Variants in CXCL13 observed in about 807,000 individuals in gnomAD.
The protein encoded by CXCL13 is C-X-C motif chemokine 13.
A neutral mutation model predicts 12.2 loss-of-function variants in CXCL13; 7 were observed. That is an observed-to-expected ratio of 0.57 (90% CI 0.33 to 1.07). The LOEUF (loss-of-function observed/expected upper bound fraction) is 1.07. Among genes scored for constraint, CXCL13 ranks in the 50% least tolerant of loss-of-function variants. CXCL13 has a pLI of 0.04. For synonymous variants in CXCL13, 47 were observed against 42.4 expected (o/e 1.11, Z -0.42); for missense variants, 113 against 127.4 (o/e 0.89, Z 0.55).
At chr4:77,538,855 A>T (rs1277082990) in intron 1 of CXCL13, among the ~76,000 whole-genome samples, 1 of 152,204 alleles carries the variant, frequency 6.6e-6, no homozygotes, top group Non-Finnish European at 1.5e-5. Context: ...TGTTATCGGC[A>T]GCCAATCCAT....
At chr4:77,513,334 C>A (rs1724318683) in intron 1 of CXCL13, among the ~76,000 whole-genome samples, 1 of 152,120 alleles carries the variant, frequency 6.6e-6, no homozygotes. Flanking sequence ...ATTTCTAGTT[C>A]TAGATTCTTG....
In CXCL13 at chr4:77,564,337, A is replaced by G. The variant is rs1041293347; in HGVS notation, c.-42-41487A>G. ...GTTCTGTACTACTTCTGAAATGTACATATGCAGAGGAGCAGGCACAGATGG... is the reference window on the plus strand; with the variant it reads ...GTTCTGTACTACTTCTGAAATGTACGTATGCAGAGGAGCAGGCACAGATGG... On this transcript the variant is annotated intron_variant, in intron 1 of 4. Transcript: ENST00000286758. Among the ~76,000 whole-genome samples, 4 of 152,346 alleles carry G rather than the reference A, an allele frequency of 2.6e-5. No individual in the cohort carries two copies. The South Asian group carries it at 6.2e-4, about 24-fold the overall frequency.
At chr4:77,607,005 A>G (rs1222617758) in intron 1 of CXCL13, among the ~76,000 whole-genome samples, 2 of 152,172 alleles carry the variant, frequency 1.3e-5, no homozygotes, top group African/African-American at 4.8e-5. Flanking sequence ...TTCTGTAATG[A>G]TTTGCAACCC....
Position 77,611,092 on chromosome 4 carries a change from A to G in CXCL13, c.*53A>G. On this transcript the variant is annotated 3_prime_UTR_variant, in exon 4 of 4. Transcript: ENST00000682537. ...CATTCTTCCCTTATCCCTGCTCTGG[A>G]TTTTAGTTTTGTGCTTAGTTAAATC... The G allele has an allele frequency of 2.1e-6, 3 of 1,456,106 alleles. 1 individual carries two copies. The Middle Eastern group carries it at 5.3e-4, about 256-fold the overall frequency. 90.2% of individuals were successfully genotyped at this position (1,456,106 alleles called of 1,614,324 possible).
intron 1 of CXCL13, among the ~76,000 whole-genome samples, chr4:77,598,648 A>C (rs1344722253): frequency 4.6e-5 from 7 of 152,234 alleles, no homozygotes; most frequent in Non-Finnish European, 1.0e-4. Flanking sequence ...CCAGAAAGGG[A>C]GAGGCAATAT....
rs547781570 is a variant in CXCL13 at position 77,544,009 on chromosome 4, G to C, written c.-43+32221G>C. Among the ~76,000 whole-genome samples the C allele has an allele frequency of 7.2e-5, 11 of 152,136 alleles. No individual in the cohort carries two copies. The South Asian group carries it at 1.7e-3, about 23-fold the overall frequency. On this transcript the variant is annotated intron_variant, in intron 1 of 4. Transcript: ENST00000286758. ...GAGAACATATGGTGTTTGGTTTTCT[G>C]TCCTTGCGATATTTTGCGAGAATGA...
At chr4:77,555,098 A>T (rs1024452213) in intron 1 of CXCL13, among the ~76,000 whole-genome samples, 9 of 152,086 alleles carry the variant, frequency 5.9e-5, no homozygotes, top group African/African-American at 2.2e-4. Flanking sequence ...AAATAAATGA[A>T]ATTTGAAAAT....
intron 1 of CXCL13, among the ~76,000 whole-genome samples, chr4:77,526,025 T>G (rs991486732): frequency 1.3e-5 from 2 of 151,910 alleles, no homozygotes; most frequent in African/African-American, 4.8e-5. Flanking sequence ...GAAAAAGCAT[T>G]TAAAAAAACT....
chr4:77,524,913 T>C (rs2110081758), intron 1 of CXCL13, among the ~76,000 whole-genome samples: 1 of 152,350 alleles, frequency 6.6e-6, no homozygotes, highest in South Asian at 2.1e-4. Flanking sequence ...ATATTTTTAC[T>C]TTACAAAATT....
At chr4:77,565,283 C>T (rs147472442) in intron 1 of CXCL13, among the ~76,000 whole-genome samples, 8 of 152,290 alleles carry the variant, frequency 5.3e-5, no homozygotes, top group East Asian at 1.9e-4. Context: ...TGGGAGAAGA[C>T]GAATAAGCTG....
chr4:77,545,804 G>A (rs1032614747), intron 1 of CXCL13, among the ~76,000 whole-genome samples: 1 of 152,198 alleles, frequency 6.6e-6, no homozygotes, highest in African/African-American at 2.4e-5. Context: ...AGTGGTGAGA[G>A]AGGGCATCCC....
intron 1 of CXCL13, among the ~76,000 whole-genome samples, chr4:77,521,735 T>C (rs1724606585): frequency 6.6e-6 from 1 of 152,212 alleles, no homozygotes; most frequent in African/African-American, 2.4e-5. Flanking sequence ...ATCTTAGTTA[T>C]TTCTTGCCTT....
chr4:77,547,686 C>T (rs886501371), intron 1 of CXCL13, among the ~76,000 whole-genome samples: 2 of 152,086 alleles, frequency 1.3e-5, no homozygotes, highest in African/African-American at 2.4e-5. Context: ...ACTCTTTATC[C>T]AATTTGCCAG....
chr4:77,561,190 T>C (rs552494033), intron 1 of CXCL13, among the ~76,000 whole-genome samples: 10 of 152,316 alleles, frequency 6.6e-5, no homozygotes, highest in Middle Eastern at 3.4e-3. Flanking sequence ...TTTGAAACCT[T>C]GCTGCAAAAA....
chr4:77,547,128 T>C (rs1194351700), intron 1 of CXCL13, among the ~76,000 whole-genome samples: 2 of 152,230 alleles, frequency 1.3e-5, no homozygotes, highest in Non-Finnish European at 2.9e-5. Flanking sequence ...TTGCTGTTCT[T>C]TTACATTTGC....
intron 1 of CXCL13, among the ~76,000 whole-genome samples, chr4:77,593,461 C>T (rs1726669020): frequency 6.6e-6 from 1 of 152,186 alleles, no homozygotes; most frequent in African/African-American, 2.4e-5. Context: ...TGAGACTTGG[C>T]CTTCCAAAGC....
intron 1 of CXCL13, among the ~76,000 whole-genome samples, chr4:77,520,183 G>C (rs1158000216): frequency 6.6e-6 from 1 of 152,142 alleles, no homozygotes; most frequent in Non-Finnish European, 1.5e-5. Flanking sequence ...GCTTAGGATT[G>C]TCTTGGCAAT....
intron 1 of CXCL13, among the ~76,000 whole-genome samples, chr4:77,556,376 A>T (rs1422294811): frequency 6.6e-6 from 1 of 152,162 alleles, no homozygotes; most frequent in Non-Finnish European, 1.5e-5. Context: ...CTTTTATGTG[A>T]TATTTTAGAA....
intron 1 of CXCL13, among the ~76,000 whole-genome samples, chr4:77,572,200 A>G (rs1726103153): frequency 6.6e-6 from 1 of 151,910 alleles, no homozygotes; most frequent in Non-Finnish European, 1.5e-5. Context: ...CAGGAGTTCA[A>G]GACCAGTCTG....
Sources: gnomAD v4.1 joint callset for allele counts (sites outside exome capture counted in the v4.1 genomes callset) on GRCh38, gnomAD v4.1.1 for gene constraint, MANE v1.5 for transcripts, NCBI Gene and HGNC (gene_info 2026-07-23, HGNC 2026-07-21) for gene names.